The following THSD7B variants were observed in gnomAD, a reference collection of about 807,000 sequenced individuals.
The protein encoded by THSD7B is thrombospondin type-1 domain-containing protein 7B.
THSD7B carries 138 observed loss-of-function variants against 213.6 expected under a neutral mutation model. The observed-to-expected ratio is 0.65, with a 90% confidence interval of 0.56 to 0.74. The LOEUF is 0.74. Among genes scored for constraint, THSD7B ranks in the 30% least tolerant of loss-of-function variants. THSD7B has a pLI of 0.00. For synonymous variants in THSD7B, 742 were observed against 687.0 expected, an observed-to-expected ratio of 1.08 and a Z score of -1.25; for missense variants, 1,931 against 1,991.5, an observed-to-expected ratio of 0.97 and a Z score of 0.58.
At chr2:137,197,447 T>C (rs762984362) in intron 7 of THSD7B, among the ~76,000 whole-genome samples, 22 of 152,180 alleles carry the variant, frequency 1.4e-4, no homozygotes, top group Admixed American at 2.0e-4. Flanking sequence ...ATAAATACAT[T>C]GAAATAAATA....
chr2:137,115,067 A>G, intron 4 of THSD7B, 57 bp from the exon 5 acceptor site: 1 of 1,600,618 alleles, frequency 6.2e-7, no homozygotes, highest in East Asian at 2.2e-5. Flanking sequence ...AGTTTTCCTC[A>G]GAGTTGTATA....
At chr2:137,584,778 G>T (rs919071040) in intron 17 of THSD7B, among the ~76,000 whole-genome samples, 2 of 152,204 alleles carry the variant, frequency 1.3e-5, no homozygotes, top group African/African-American at 4.8e-5. Context: ...GTTCATAAGG[G>T]ATATTGGTCT....
At chr2:136,909,778 C>T (rs1684227266) in intron 2 of THSD7B, among the ~76,000 whole-genome samples, 1 of 152,212 alleles carries the variant, frequency 6.6e-6, no homozygotes, top group Admixed American at 6.5e-5. Flanking sequence ...ACGATGCTTC[C>T]ATATTTGTAA....
At position 137,242,437 on chromosome 2, in the gene THSD7B, T is replaced by A; in HGVS notation, c.2151-20T>A. On this transcript the variant is annotated intron_variant, in intron 9 of 27. Transcript: ENST00000409968. ...TTAGTCTCTCAAAAAGGCATTGACA[T>A]GGTCTTTTCACATTGACAGATGTCC... The A allele has an allele frequency of 6.3e-7, 1 of 1,588,004 alleles. No homozygotes were observed. The highest frequency in any genetic ancestry group is 8.6e-7 in the Non-Finnish European group (1 of 1,156,376).
chr2:136,923,752 C>T, intron 2 of THSD7B, among the ~76,000 whole-genome samples: 1 of 152,138 alleles, frequency 6.6e-6, no homozygotes, highest in Non-Finnish European at 1.5e-5. Flanking sequence ...TCATATGTCT[C>T]TTTTGGAGAA....
At chr2:136,813,642 A>AT (rs34321753) in intron 1 of THSD7B, among the ~76,000 whole-genome samples, 1,916 of 150,812 alleles carry the variant, frequency 0.013, 38 homozygotes, top group African/African-American at 0.04. Context: ...CTATTCTATC[A>AT]TTTTTTTTTT....
At chr2:137,098,396 C>T (rs1688079816) in intron 4 of THSD7B, among the ~76,000 whole-genome samples, 1 of 152,078 alleles carries the variant, frequency 6.6e-6, no homozygotes, top group Non-Finnish European at 1.5e-5. Context: ...TCCCTCATGC[C>T]CTGGAACCTA....
chr2:137,164,879 G>A (rs778873054), intron 6 of THSD7B, among the ~76,000 whole-genome samples: 4 of 152,240 alleles, frequency 2.6e-5, no homozygotes, highest in South Asian at 4.1e-4. Context: ...GGGGCCTGTC[G>A]TGGGGTGGGG....
intron 7 of THSD7B, among the ~76,000 whole-genome samples, chr2:137,227,921 C>T (rs981825658): frequency 6.6e-6 from 1 of 151,982 alleles, no homozygotes; most frequent in Admixed American, 6.6e-5. Context: ...GAGAGCTCAC[C>T]ATGTGTTAGA....
At chr2:137,279,180 G>A (rs1161785973) in intron 12 of THSD7B, among the ~76,000 whole-genome samples, 1 of 152,040 alleles carries the variant, frequency 6.6e-6, no homozygotes, top group Admixed American at 6.6e-5. Flanking sequence ...ATAATTATTT[G>A]TTTTATCATT....
In THSD7B at chr2:137,132,622, C is replaced by CT. The variant is rs572676362; in HGVS notation, c.1369+17331dup. ...CCTTAGCACTATTGCTGTTTTCATTCTTGTTATCTTTACTAACTAAGATAG... is the reference window on the plus strand; with the variant it reads ...CCTTAGCACTATTGCTGTTTTCATTCTTTGTTATCTTTACTAACTAAGATAG... On this transcript the variant is annotated intron_variant, in intron 5 of 27. Transcript: ENST00000409968. Among the ~76,000 whole-genome samples the CT allele has an allele frequency of 2.0e-3, 305 of 152,160 alleles. 4 individuals carry two copies. The highest frequency in any genetic ancestry group is 4.4e-4 in the Non-Finnish European group (30 of 67,996).
intron 5 of THSD7B, among the ~76,000 whole-genome samples, chr2:137,134,254 A>C (rs946340567): frequency 4.6e-5 from 7 of 152,174 alleles, no homozygotes; most frequent in Non-Finnish European, 1.0e-4. Flanking sequence ...TTCAGAGCAG[A>C]GGGCCCTCTG....
intron 12 of THSD7B, among the ~76,000 whole-genome samples, chr2:137,299,596 A>G (rs1683550769): frequency 6.6e-6 from 1 of 152,156 alleles, no homozygotes; most frequent in African/African-American, 2.4e-5. Context: ...AGGCTACAAA[A>G]TAACAACATG....
intron 12 of THSD7B, among the ~76,000 whole-genome samples, chr2:137,360,274 C>T (rs977991792): frequency 5.9e-5 from 9 of 152,050 alleles, no homozygotes; most frequent in East Asian, 3.9e-4. Context: ...AGGAACAGCT[C>T]GGGTCTGCAG....
chr2:137,232,544 A>G (rs909534060), intron 8 of THSD7B, among the ~76,000 whole-genome samples: 6 of 152,308 alleles, frequency 3.9e-5, no homozygotes, highest in Middle Eastern at 3.4e-3. Context: ...AGACTATTCT[A>G]ACTGGCTAAT....
chr2:136,990,560 G>A (rs1047822575), intron 2 of THSD7B, among the ~76,000 whole-genome samples: 1 of 152,190 alleles, frequency 6.6e-6, no homozygotes. Context: ...CAGATGGGCT[G>A]TGCTGGAATG....
At chr2:137,154,702 C>T (rs1679880913) in intron 5 of THSD7B, among the ~76,000 whole-genome samples, 1 of 152,066 alleles carries the variant, frequency 6.6e-6, no homozygotes. Flanking sequence ...GAATGATACT[C>T]ATTTTTCTTT....
chr2:136,909,190 A>AT (rs1274154303), intron 2 of THSD7B, among the ~76,000 whole-genome samples: 1 of 152,166 alleles, frequency 6.6e-6, no homozygotes, highest in African/African-American at 2.4e-5. Flanking sequence ...CTCAAAAAAA[A>AT]GGTGGGCCTC....
chr2:137,006,834 A>T (rs1318093367), intron 2 of THSD7B, among the ~76,000 whole-genome samples: 1 of 152,228 alleles, frequency 6.6e-6, no homozygotes, highest in Non-Finnish European at 1.5e-5. Flanking sequence ...TTCTGTAGCC[A>T]TACAGTTTTA....
Sources: gnomAD v4.1 joint callset for allele counts (sites outside exome capture counted in the v4.1 genomes callset) on GRCh38, gnomAD v4.1.1 for gene constraint, MANE v1.5 for transcripts, NCBI Gene and HGNC (gene_info 2026-07-23, HGNC 2026-07-21) for gene names.